KIF15: variants seen among roughly 807,000 people sequenced by gnomAD.
KIF15 encodes kinesin-like protein KIF15.
In KIF15, 140 loss-of-function variants were observed where a neutral mutation model predicts 190.6. That is an observed-to-expected ratio of 0.73 (90% confidence interval 0.64 to 0.84). The LOEUF (loss-of-function observed/expected upper bound fraction) is 0.84, where lower values mean the gene tolerates loss of function less well. Among genes scored for constraint, KIF15 ranks in the 40% least tolerant of loss-of-function variants. The pLI, the probability that KIF15 is intolerant of heterozygous loss-of-function variation, is 0.00. For synonymous variants in KIF15, 528 were observed against 551.3 expected, an observed-to-expected ratio of 0.96 and a Z score of 0.59; for missense variants, 1,372 against 1,584.4, an observed-to-expected ratio of 0.87 and a Z score of 2.28.
chr3:44,861,612 C>A, intron 6 of KIF15, among the ~76,000 whole-genome samples: 1 of 152,142 alleles, frequency 6.6e-6, no homozygotes, highest in East Asian at 1.9e-4. Flanking sequence ...GCCGGGTGGC[C>A]GGGATGGAGA....
At chr3:44,772,757 G>A (rs1260945817) in intron 1 of KIF15, among the ~76,000 whole-genome samples, 1 of 152,150 alleles carries the variant, frequency 6.6e-6, no homozygotes, top group Non-Finnish European at 1.5e-5. Context: ...AGGTCACACA[G>A]ATATCAAACC....
chr3:44,820,892 G>A (rs1303973665), intron 20 of KIF15, among the ~76,000 whole-genome samples: 11 of 152,306 alleles, frequency 7.2e-5, no homozygotes, highest in African/African-American at 2.2e-4. Flanking sequence ...GGTGGTGGCC[G>A]GGCAGAGGGG....
intron 8 of KIF15, among the ~76,000 whole-genome samples, chr3:44,794,834 C>T (rs149000267): frequency 0.025 from 3,807 of 152,020 alleles, 68 homozygotes; most frequent in Middle Eastern, 0.044. Context: ...TGGTGATGCG[C>T]GCCTGTAGTC....
At chr3:44,837,175 T>G (rs188256713) in intron 26 of KIF15, among the ~76,000 whole-genome samples, 1 of 152,326 alleles carries the variant, frequency 6.6e-6, no homozygotes, top group African/African-American at 2.4e-5. Context: ...CAAATTAAAA[T>G]AACAGCTATT....
At chr3:44,768,999 T>C (rs1279561622) in intron 1 of KIF15, among the ~76,000 whole-genome samples, 14 of 152,156 alleles carry the variant, frequency 9.2e-5, no homozygotes, top group South Asian at 2.1e-4. Flanking sequence ...AAAAGCCTGA[T>C]TGTTAAAAGT....
chr3:44,850,239 T>A (rs2125730778), intron 32 of KIF15, among the ~76,000 whole-genome samples: 1 of 152,336 alleles, frequency 6.6e-6, no homozygotes, highest in East Asian at 1.9e-4. Context: ...ATTCATTTGC[T>A]TCATAGAATC....
At chr3:44,762,030 C>G in intron 1 of KIF15, 146 bp downstream of exon 1, 5 of 986,146 alleles carry the variant, frequency 5.1e-6, no homozygotes, top group Non-Finnish European at 1.6e-6. Context: ...GGGAATCCCG[C>G]TCTGTCGCTC....
At chr3:44,814,815 T>C in intron 19 of KIF15, 96 bp from the exon 20 acceptor site, 1 of 942,716 alleles carries the variant, frequency 1.1e-6, no homozygotes, top group Non-Finnish European at 1.5e-6. Flanking sequence ...AAATAGTCTC[T>C]TCGACTTGAT....
chr3:44,778,580 T>C (rs1314037059), intron 4 of KIF15, among the ~76,000 whole-genome samples: 2 of 152,198 alleles, frequency 1.3e-5, no homozygotes, highest in African/African-American at 2.4e-5. Flanking sequence ...ATGATTAGAT[T>C]GGCCCCTCCT....
At chr3:44,807,259 T>C (rs903982746) in intron 16 of KIF15, among the ~76,000 whole-genome samples, 3 of 151,560 alleles carry the variant, frequency 2.0e-5, no homozygotes, top group Non-Finnish European at 2.9e-5. Context: ...AGTTTTGCTC[T>C]TGTTGCCCAG....
chr3:44,815,010 A>G lies in KIF15; in HGVS notation c.2483A>G (p.Gln828Arg). Reference sequence around the variant, plus strand: ...GAATATAGTTCATTCAAAACGAATCAGGAGAAAGAATTCAACAAACTTTCC... The same window carrying G: ...GAATATAGTTCATTCAAAACGAATCGGGAGAAAGAATTCAACAAACTTTCC... Reference protein sequence around the residue: ...KLEYSSFKTNQEKEFNKLSER... With the variant: ...KLEYSSFKTNREKEFNKLSER... The change falls in exon 20 of 35, where the codon CAG becomes CGG. Residue 828 changes from glutamine to arginine, a missense_variant. Physicochemically the swap from Gln to Arg is conservative, Grantham distance 43. Transcript: ENST00000326047. 1 of 1,612,708 alleles carries G rather than the reference A, an allele frequency of 6.2e-7. No individual in the cohort carries two copies. The highest frequency in any genetic ancestry group is 8.5e-7 in the Non-Finnish European group (1 of 1,179,562).
At chr3:44,804,759 T>C (rs573226486) in intron 14 of KIF15, among the ~76,000 whole-genome samples, 58 of 152,302 alleles carry the variant, frequency 3.8e-4, no homozygotes, top group African/African-American at 1.4e-3. Flanking sequence ...TGGCCCAAAA[T>C]TGATACCTGA....
chr3:44,801,887 C>T lies in KIF15; in HGVS notation c.1422C>T (p.His474=). Residue 474 remains histidine, a synonymous_variant, in exon 13 of 35, where the codon CAC becomes CAT. Coordinates refer to ENST00000326047, the MANE Select transcript of KIF15 (RefSeq NM_020242.3). Reference sequence around the variant, plus strand: ...AAATAATACGCTTGGAAAAGCTCCACAAGGAATCCCGGGGAGGTTTTCTGC... The same window carrying T: ...AAATAATACGCTTGGAAAAGCTCCATAAGGAATCCCGGGGAGGTTTTCTGC... ...EDQIIRLEKL[H]KESRGGFLPE... is the part of the protein sequence containing the mutation. 1.2e-6 allele frequency: 2 copies of T among 1,613,738 alleles called. No homozygotes were observed. Among genetic ancestry groups the T allele is most frequent in the Non-Finnish European group, 1.7e-6 (2 of 1,179,728 alleles).
chr3:44,850,144 A>G (rs1227781659), intron 32 of KIF15, among the ~76,000 whole-genome samples: 2 of 152,236 alleles, frequency 1.3e-5, no homozygotes, highest in African/African-American at 4.8e-5. Context: ...CAAAAATTAC[A>G]TGGTGATTTA....
At chr3:44,795,254 C>T (rs901584901) in intron 8 of KIF15, among the ~76,000 whole-genome samples, 37 of 152,000 alleles carry the variant, frequency 2.4e-4, no homozygotes, top group African/African-American at 7.7e-4. Flanking sequence ...TGAAGGATTT[C>T]GGTAGGGAGA....
At chr3:44,812,984 C>CT in intron 18 of KIF15, 91 bp from the exon 19 acceptor site, 1 of 616,500 alleles carries the variant, frequency 1.6e-6, no homozygotes, top group South Asian at 2.1e-5. Context: ...GACTCTGTCT[C>CT]AAAAAAAAAA....
chr3:44,787,028 T>C (rs1706439735), intron 7 of KIF15, among the ~76,000 whole-genome samples: 1 of 152,244 alleles, frequency 6.6e-6, no homozygotes, highest in Non-Finnish European at 1.5e-5. Flanking sequence ...TTATGAAATC[T>C]GATCTGGCTT....
At chr3:44,766,355 C>A (rs1376297105) in intron 1 of KIF15, among the ~76,000 whole-genome samples, 2 of 152,160 alleles carry the variant, frequency 1.3e-5, no homozygotes, top group Non-Finnish European at 2.9e-5. Flanking sequence ...AGCAGCCCAC[C>A]TTCTAGACTT....
intron 26 of KIF15, among the ~76,000 whole-genome samples, chr3:44,837,614 GTATATATA>G (rs141324712): frequency 3.3e-5 from 5 of 149,698 alleles, no homozygotes; most frequent in Admixed American, 1.3e-4. Flanking sequence ...ATATGTGTGT[GTATATATA>G]TATATACATG....
Sources: allele counts gnomAD v4.1 joint callset (sites outside exome capture counted in the v4.1 genomes callset), GRCh38; gene constraint gnomAD v4.1.1; transcripts MANE v1.5; gene names NCBI Gene and HGNC (gene_info 2026-07-23, HGNC 2026-07-21).